IQSEC1: variants seen among roughly 807,000 people sequenced by gnomAD.
IQSEC1 encodes the protein IQ motif and SEC7 domain-containing protein 1.
A neutral mutation model predicts 91.0 loss-of-function variants in IQSEC1; 31 were observed. The ratio of observed to expected loss-of-function variants is 0.34; its 90% confidence interval spans 0.26 to 0.46. IQSEC1 has a LOEUF of 0.46. IQSEC1 is among the 20% of genes least tolerant of loss of function. The pLI, the probability that IQSEC1 is intolerant of heterozygous loss-of-function variation, is 1.00. For synonymous variants in IQSEC1, 699 were observed against 662.6 expected (o/e 1.05, Z -0.84); for missense variants, 1,388 against 1,575.6 (o/e 0.88, Z 2.02).
chr3:13,273,460 G>A (rs1461120623), intron 1 of IQSEC1, among the ~76,000 whole-genome samples: 1 of 152,222 alleles, frequency 6.6e-6, no homozygotes, highest in East Asian at 1.9e-4. Flanking sequence ...AAGAACTGCT[G>A]CAGGCAGCCA....
At chr3:13,250,807 C>G (rs115333099) in intron 1 of IQSEC1, among the ~76,000 whole-genome samples, 6,198 of 151,928 alleles carry the variant, frequency 0.041, 193 homozygotes, top group Non-Finnish European at 0.059. Context: ...AGCTTTCCCC[C>G]ACCCCTGCTG....
chr3:12,916,839 C>T (rs1696144506), intron 6 of IQSEC1, among the ~76,000 whole-genome samples: 2 of 152,318 alleles, frequency 1.3e-5, no homozygotes, highest in Admixed American at 1.3e-4. Flanking sequence ...TGAAGAAGGC[C>T]ACAGTAAAGC....
chr3:13,241,763 G>A (rs77695303), intron 1 of IQSEC1, among the ~76,000 whole-genome samples: 5,432 of 152,322 alleles, frequency 0.036, 325 homozygotes, highest in African/African-American at 0.12. Flanking sequence ...TCCCAGAGGG[G>A]GATAGCCCCG....
At chr3:13,132,112 T>C (rs1420086586) in intron 2 of IQSEC1, among the ~76,000 whole-genome samples, 1 of 152,246 alleles carries the variant, frequency 6.6e-6, no homozygotes, top group Non-Finnish European at 1.5e-5. Flanking sequence ...TAGATATTTT[T>C]GTATTCCTCT....
intron 2 of IQSEC1, among the ~76,000 whole-genome samples, chr3:12,938,561 G>A (rs1241788404): frequency 1.3e-5 from 2 of 152,182 alleles, no homozygotes; most frequent in Non-Finnish European, 2.9e-5. Context: ...CGCCATCCAA[G>A]AAATGACCTC....
chr3:13,193,104 G>A lies in IQSEC1; in HGVS notation c.273-28971C>T, dbSNP rs1694064476. On this transcript the variant is annotated intron_variant, in intron 1 of 15. Coordinates refer to the IQSEC1 transcript ENST00000648114. The surrounding 1 kb of genome is among the most constrained non-coding windows in gnomAD (Gnocchi z 4.2). ...ACAGGAACCCAGTTGCAGCAGGGAT[G>A]GGCAGTGTCTTTTCTCAGCCTTGTC... is the stretch of plus-strand genomic sequence containing the variant. 2.6e-5 allele frequency among the ~76,000 whole-genome samples: 4 copies of A among 152,234 alleles called. No homozygotes were observed. Among genetic ancestry groups the A allele is most frequent in the Admixed American group, 2.6e-4 (4 of 15,294 alleles).
intron 2 of IQSEC1, among the ~76,000 whole-genome samples, chr3:13,100,461 C>T (rs1311295725): frequency 1.3e-5 from 2 of 148,830 alleles, no homozygotes; most frequent in Non-Finnish European, 3.0e-5. Context: ...GGTTTCCCTT[C>T]CACTCACCTG....
intron 1 of IQSEC1, among the ~76,000 whole-genome samples, chr3:13,222,574 G>A (rs1362311138): frequency 6.6e-6 from 1 of 152,208 alleles, no homozygotes; most frequent in African/African-American, 2.4e-5. Flanking sequence ...GCTGCACCAC[G>A]TTACCTCCCC....
Position 13,143,154 on chromosome 3 carries a change from C to T in IQSEC1, c.302+20950G>A, listed in dbSNP as rs184246575. Among the ~76,000 whole-genome samples, 660 of 152,324 alleles carry T rather than the reference C, an allele frequency of 4.3e-3. 2 individuals carry two copies. Among genetic ancestry groups the T allele is most frequent in the African/African-American group, 0.015 (625 of 41,574 alleles). The stretch of plus-strand genomic sequence containing the variant: ...TGTCAGCTCCTGGAGGACAGGAATC[C>T]CATCAGCCTTGCTCCTCCCTGGATC... On this transcript the variant is annotated intron_variant, in intron 2 of 15. Coordinates refer to the IQSEC1 transcript ENST00000648114.
Position 12,967,254 on chromosome 3 carries a change from A to G in IQSEC1, c.24-25389T>C, listed in dbSNP as rs114609053. 4.3e-3 allele frequency: 3,009 copies of G among 698,692 alleles called. 87 individuals carry two copies. The African/African-American group carries it at 0.051, about 12-fold the overall frequency. The allele number at this position is 698,692 out of a possible 1,614,324, so 43.3% of individuals were successfully genotyped here. ...GTCTGGCGGACGCACCCCGCCCCGC[A>G]GGCAGCTTTCTCTCGCACGCCGGGC... On this transcript the variant is annotated intron_variant, in intron 1 of 13. Coordinates refer to ENST00000613206, the MANE Select transcript of IQSEC1 (RefSeq NM_001134382.3). This position sits in a 1 kb window ranked among gnomAD's most constrained non-coding sequence, Gnocchi z 5.9.
chr3:12,940,265 A>T lies in IQSEC1; in HGVS notation c.318+1306T>A, dbSNP rs1698629273. ...GGCTGATGGGGGCTTCCCTGTCAAG[A>T]GAGTGGACGACCCCCAACCCCAGGC... On this transcript the variant is annotated intron_variant, in intron 2 of 13. Transcript: ENST00000613206. This position sits in a 1 kb window ranked among gnomAD's most constrained non-coding sequence, Gnocchi z 4.4. Among the ~76,000 whole-genome samples the T allele has an allele frequency of 6.6e-6, 1 of 151,950 alleles. No homozygotes were observed. The highest frequency in any genetic ancestry group is 2.1e-4 in the South Asian group (1 of 4,810).
rs116593787 is a variant in IQSEC1 at position 13,137,746 on chromosome 3, G to T, written c.302+26358C>A. On this transcript the variant is annotated intron_variant, in intron 2 of 15. Transcript: ENST00000648114. The stretch of plus-strand genomic sequence containing the variant: ...GCTGAGGTGGGAGGATCGCTTGAGC[G>T]CAGGAGTTGAAGCCTGCAGTCAGCT... Among the ~76,000 whole-genome samples the T allele has an allele frequency of 5.4e-3, 827 of 152,268 alleles. 14 individuals are homozygous for T. Among genetic ancestry groups the T allele is most frequent in the African/African-American group, 0.019 (791 of 41,536 alleles).
Position 12,979,091 on chromosome 3 carries a change from G to A in IQSEC1, c.24-37226C>T, listed in dbSNP as rs1701333888. ...TGAGGGTGTAAGCAGGAGTGGGAGT[G>A]ACCTGGGTTTAGTTTTCCCAACAAC... On this transcript the variant is annotated intron_variant, in intron 1 of 13. Coordinates refer to ENST00000613206, the MANE Select transcript of IQSEC1 (RefSeq NM_001134382.3). This position sits in a 1 kb window ranked among gnomAD's most constrained non-coding sequence, Gnocchi z 4.3. Among the ~76,000 whole-genome samples, 1 of 152,160 alleles carries A rather than the reference G, an allele frequency of 6.6e-6. No homozygotes were observed. The highest frequency in any genetic ancestry group is 1.5e-5 in the Non-Finnish European group (1 of 68,038).
At chr3:13,087,764 G>T (rs1342596305) in intron 2 of IQSEC1, among the ~76,000 whole-genome samples, 6 of 152,172 alleles carry the variant, frequency 3.9e-5, no homozygotes, top group Admixed American at 3.9e-4. Context: ...TCTGGAGGCT[G>T]GGAAGTCTAA....
chr3:12,967,366 C>T lies in IQSEC1; in HGVS notation c.24-25501G>A. The stretch of plus-strand genomic sequence containing the variant: ...CCGCTCAGCACCCGGGAAGGCCGCT[C>T]GCCCCGCGCCGCGCCCTCACCCGCT... On this transcript the variant is annotated intron_variant, in intron 1 of 13. Transcript: ENST00000613206. This position sits in a 1 kb window ranked among gnomAD's most constrained non-coding sequence, Gnocchi z 5.9. 6.5e-7 allele frequency: 1 copy of T among 1,529,020 alleles called. No individual in the cohort carries two copies. Among genetic ancestry groups the T allele is most frequent in the Non-Finnish European group, 8.8e-7 (1 of 1,141,354 alleles). The allele number at this position is 1,529,020 out of a possible 1,614,324, so 94.7% of individuals were successfully genotyped here. A position where few individuals can be genotyped will look rare whatever the true frequency, so the allele number is the denominator to read the frequency against.
chr3:13,096,493 G>A (rs1482499520), intron 2 of IQSEC1, among the ~76,000 whole-genome samples: 1 of 152,210 alleles, frequency 6.6e-6, no homozygotes, highest in East Asian at 1.9e-4. Context: ...AGTATTTGGG[G>A]GGCATAGAGG....
At chr3:12,934,804 C>A (rs755190701) in intron 3 of IQSEC1, among the ~76,000 whole-genome samples, 1 of 152,128 alleles carries the variant, frequency 6.6e-6, no homozygotes, top group East Asian at 1.9e-4. Context: ...CTTTCCAGGA[C>A]CCCCTTGGGG....
rs1275334442 is a variant in IQSEC1, at chr3:13,282,107, C to G, written c.272+604G>C. Among the ~76,000 whole-genome samples the G allele has an allele frequency of 2.6e-5, 4 of 152,252 alleles. No individual in the cohort carries two copies. Among genetic ancestry groups the G allele is most frequent in the African/African-American group, 9.6e-5 (4 of 41,562 alleles). Reference sequence around the variant, plus strand: ...CCCATCCCTCACTTAATCCTGGGTCCGAAATAGCCCCGGGTAATCCCAGGG... The same window carrying G: ...CCCATCCCTCACTTAATCCTGGGTCGGAAATAGCCCCGGGTAATCCCAGGG... On this transcript the variant is annotated intron_variant, in intron 1 of 15. Transcript: ENST00000648114. This position sits in a 1 kb window ranked among gnomAD's most constrained non-coding sequence, Gnocchi z 6.4.
At chr3:13,095,602 C>A (rs1348211729) in intron 2 of IQSEC1, among the ~76,000 whole-genome samples, 1 of 152,144 alleles carries the variant, frequency 6.6e-6, no homozygotes, top group Non-Finnish European at 1.5e-5. Context: ...GCCTTTTCCG[C>A]CACTCCATGA....
Sources: gnomAD v4.1 joint callset for allele counts (sites outside exome capture counted in the v4.1 genomes callset) on GRCh38, gnomAD v4.1.1 for gene constraint, Gnocchi (gnomAD v3.1) non-coding constraint, MANE v1.5 for transcripts, NCBI Gene and HGNC (gene_info 2026-07-23, HGNC 2026-07-21) for gene names.